Variants in FAM107A observed in about 807,000 individuals in gnomAD.
The protein encoded by FAM107A is family with sequence similarity 107 member A.
In FAM107A, 19 loss-of-function variants were observed where a neutral mutation model predicts 13.7. That is an observed-to-expected ratio of 1.38 (90% CI 0.97 to 2.03). The LOEUF (loss-of-function observed/expected upper bound fraction) is 2.03, where lower values mean the gene tolerates loss of function less well. Among genes scored for constraint, FAM107A ranks in the 30% most tolerant of loss-of-function variants. FAM107A has a pLI of 0.00. For missense variants in FAM107A, 203 were observed against 184.4 expected (o/e 1.10, Z -0.58); for synonymous variants, 82 against 74.5 (o/e 1.10, Z -0.52).
At chr3:58,598,962 A>G (rs1450977358) in intron 1 of FAM107A, among the ~76,000 whole-genome samples, 1 of 151,052 alleles carries the variant, frequency 6.6e-6, no homozygotes, top group African/African-American at 2.4e-5. Flanking sequence ...TTTTTTTGAG[A>G]CGGAGTTTTG....
At chr3:58,583,695 G>T (rs577055989) in intron 1 of FAM107A, among the ~76,000 whole-genome samples, 4 of 150,848 alleles carry the variant, frequency 2.7e-5, no homozygotes, top group South Asian at 2.1e-4. Context: ...TTTTTTTTTG[G>T]GGGGGGACAC....
At chr3:58,568,493 G>A (rs1358872781) in intron 2 of FAM107A, among the ~76,000 whole-genome samples, 1 of 151,596 alleles carries the variant, frequency 6.6e-6, no homozygotes. Flanking sequence ...TTTTGTATAT[G>A]TGAGTTTTAA....
chr3:58,599,718 T>C (rs1226767386), intron 1 of FAM107A, among the ~76,000 whole-genome samples: 1 of 122,256 alleles, frequency 8.2e-6, no homozygotes, highest in Non-Finnish European at 1.7e-5. Context: ...TTTTTTTTTT[T>C]TTTTTTTTTT....
upstream of FAM107A, among the ~76,000 whole-genome samples, chr3:58,587,717 A>ATTGTT (rs2065622781): frequency 6.6e-6 from 1 of 152,078 alleles, no homozygotes. Flanking sequence ...ATCAGAGATG[A>ATTGTT]GTGGGCCAAT....
upstream of FAM107A, chr3:58,589,348 A>G (rs184191997): frequency 2.1e-6 from 2 of 955,002 alleles, no homozygotes; most frequent in East Asian, 2.6e-5. Flanking sequence ...TTCACAATGT[A>G]TCTGAGTCTT....
intron 1 of FAM107A, among the ~76,000 whole-genome samples, chr3:58,605,399 T>C (rs2065784858): frequency 6.6e-6 from 1 of 152,180 alleles, no homozygotes; most frequent in Non-Finnish European, 1.5e-5. Context: ...CTCCCTCCTC[T>C]CCAGTGCCCT....
chr3:58,580,574 C>G (rs573641030), upstream of FAM107A, among the ~76,000 whole-genome samples: 55 of 151,836 alleles, frequency 3.6e-4, no homozygotes, highest in African/African-American at 1.3e-3. Flanking sequence ...GCCACCACAC[C>G]CAGCTAATTT....
upstream of FAM107A, among the ~76,000 whole-genome samples, chr3:58,579,587 TCC>T (rs2065506143): frequency 6.6e-6 from 1 of 152,148 alleles, no homozygotes; most frequent in Admixed American, 6.5e-5. Context: ...GCACACATCC[TCC>T]TGCTCTGCAA....
intron 1 of FAM107A, among the ~76,000 whole-genome samples, chr3:58,608,277 G>T (rs6804004): frequency 6.6e-6 from 1 of 151,760 alleles, no homozygotes; most frequent in Non-Finnish European, 1.5e-5. Context: ...TTTAATTTTC[G>T]TCATTCATTT....
chr3:58,565,435 A>ATTTTTTTTTTTTTT lies in FAM107A; in HGVS notation c.*1139_*1152dup, dbSNP rs71625690. 1 of 82,322 alleles carries ATTTTTTTTTTTTTT rather than the reference A, an allele frequency of 1.2e-5. No homozygotes were observed. Among genetic ancestry groups the ATTTTTTTTTTTTTT allele is most frequent in the Admixed American group, 1.9e-4 (1 of 5,194 alleles). The allele number at this position is 82,322 out of a possible 1,614,324, so 5.1% of individuals were successfully genotyped here. A position where few individuals can be genotyped will look rare whatever the true frequency, so the allele number is the denominator to read the frequency against. On this transcript the variant is annotated 3_prime_UTR_variant, in exon 4 of 4. Coordinates refer to ENST00000360997, the MANE Select transcript of FAM107A (RefSeq NM_001076778.3). ...GACTAGGAAAAAGTAAAAAAAAAAA[A>ATTTTTTTTTTTTTT]TTTTTTTTTTTTTTTTTTTTTTTTT...
upstream of FAM107A, chr3:58,589,356 C>A (rs2065636392): frequency 6.9e-6 from 6 of 869,886 alleles, no homozygotes; most frequent in Admixed American, 4.1e-5. Context: ...GTATCTGAGT[C>A]TTTTGGCCAC....
At chr3:58,570,643 C>T (rs1175968422) in intron 1 of FAM107A, among the ~76,000 whole-genome samples, 1 of 77,984 alleles carries the variant, frequency 1.3e-5, no homozygotes, top group African/African-American at 3.8e-5. Context: ...GAGAAAGAGA[C>T]TGACTTAAAA....
At chr3:58,580,002 C>T (rs1012388376), upstream of FAM107A, among the ~76,000 whole-genome samples, 5 of 152,178 alleles carry the variant, frequency 3.3e-5, no homozygotes, top group Non-Finnish European at 5.9e-5. Context: ...ACCTTGACAG[C>T]GCTGAGCTTG....
At chr3:58,568,752 G>T (rs1220533876) in intron 2 of FAM107A, among the ~76,000 whole-genome samples, 2 of 152,138 alleles carry the variant, frequency 1.3e-5, no homozygotes. Flanking sequence ...TACCAGAATC[G>T]GCCAGCAGAG....
upstream of FAM107A, among the ~76,000 whole-genome samples, chr3:58,582,486 G>A (rs1024532612): frequency 1.3e-5 from 2 of 152,172 alleles, no homozygotes; most frequent in African/African-American, 4.8e-5. Context: ...CGCCCCTCAA[G>A]TGGACTTGAA....
chr3:58,615,069 G>A (rs1485526682), intron 1 of FAM107A, among the ~76,000 whole-genome samples: 2 of 152,234 alleles, frequency 1.3e-5, no homozygotes, highest in Non-Finnish European at 2.9e-5. Context: ...CCCTCCCAAA[G>A]TGCTGAGATT....
chr3:58,574,969 A>T (rs1438504871), intron 1 of FAM107A, among the ~76,000 whole-genome samples: 2 of 152,140 alleles, frequency 1.3e-5, no homozygotes, highest in African/African-American at 4.8e-5. Flanking sequence ...CTGCAGCCAC[A>T]GGAGAGAGTA....
Position 58,567,238 on chromosome 3 carries a change from C to G in FAM107A, c.297G>C (p.Glu99Asp). ...AKRLQCPFEQ[E>D]LLRRQQRLNQ... The stretch of plus-strand genomic sequence containing the variant: ...TCAGCCTCTGCTGCCGTCTCAGCAG[C>G]TCCTGCTCAAAGGGGCACTGCAGCC... The change falls in exon 3 of 4, where the codon GAG becomes GAC. Residue 99 changes from glutamate (E) to aspartate (D), a missense_variant. Glu to Asp is a conservative substitution (Grantham distance 45). Transcript: ENST00000360997. The G allele has an allele frequency of 6.2e-7, 1 of 1,614,192 alleles. No homozygotes were observed. Among genetic ancestry groups the G allele is most frequent in the Non-Finnish European group, 8.5e-7 (1 of 1,180,036 alleles).
chr3:58,605,583 A>G lies in FAM107A; in HGVS notation c.-69-16314T>C, dbSNP rs902282067. Among the ~76,000 whole-genome samples, 4 of 152,318 alleles carry G rather than the reference A, an allele frequency of 2.6e-5. No homozygotes were observed. In the South Asian group the frequency reaches 6.2e-4, roughly 24 times the overall value. ...TCACCTTGTAAGTTTCCTTTCCTTC[A>G]GAGATCACAGTACCTATTGTCCACT... On this transcript the variant is annotated intron_variant, in intron 1 of 3. Transcript: ENST00000465970.
Sources: allele counts gnomAD v4.1 joint callset (sites outside exome capture counted in the v4.1 genomes callset), GRCh38; gene constraint gnomAD v4.1.1; transcripts MANE v1.5; gene names NCBI Gene and HGNC (gene_info 2026-07-23, HGNC 2026-07-21).